RBFA: variants seen among roughly 807,000 people sequenced by gnomAD.
The protein encoded by RBFA is putative ribosome-binding factor A, mitochondrial.
Under a neutral mutation model 27.9 loss-of-function variants are expected in RBFA, and 16 were observed. The ratio of observed to expected loss-of-function variants is 0.57; its 90% CI spans 0.39 to 0.87. The LOEUF (loss-of-function observed/expected upper bound fraction) is 0.87, where lower values mean the gene tolerates loss of function less well. Ranked by LOEUF, RBFA falls within the 40% of genes least tolerant of loss-of-function variation. The pLI is 0.00. For synonymous variants in RBFA, 181 were observed against 181.0 expected, an observed-to-expected ratio of 1.00 and a Z score of 0.00; for missense variants, 456 against 432.1, an observed-to-expected ratio of 1.06 and a Z score of -0.49.
Position 80,037,451 on chromosome 18 carries a change from T to C in RBFA, c.323T>C (p.Leu108Pro), listed in dbSNP as rs1323152482. The part of the protein sequence containing the change: ...GLLYKALTDL[L>P]CTPEVSQELY... ...CTCTATAAGGCACTGACAGACCTGC[T>C]GTGTACCCCTGAAGTGAGTCAGGAG... Residue 108 changes from leucine (L) to proline (P), a missense_variant, in exon 3 of 7, where the codon CTG (leucine) becomes CCG (proline). Physicochemically the swap from Leu to Pro is moderately conservative, Grantham distance 98. Coordinates refer to ENST00000306735, the MANE Select transcript of RBFA (RefSeq NM_024805.3). 1.2e-6 allele frequency: 2 copies of C among 1,614,154 alleles called. No homozygotes were observed. Among genetic ancestry groups the C allele is most frequent in the Non-Finnish European group, 1.7e-6 (2 of 1,180,004 alleles).
In RBFA at chr18:80,040,448, A is replaced by G. The variant is rs961898453; in HGVS notation, c.492-1687A>G. On this transcript the variant is annotated intron_variant, in intron 4 of 6. Transcript: ENST00000306735. ...TTTTTTGTAGAGATAGGATCTCTCT[A>G]TGTTGTCTAGGCTGGTCTCCAACTC... 4.6e-5 allele frequency among the ~76,000 whole-genome samples: 7 copies of G among 151,866 alleles called. 1 individual carries two copies. The highest frequency in any genetic ancestry group is 6.8e-3 in the Middle Eastern group (2 of 292).
At chr18:80,039,096 C>T (rs1216209018) in intron 4 of RBFA, among the ~76,000 whole-genome samples, 1 of 152,250 alleles carries the variant, frequency 6.6e-6, no homozygotes, top group Non-Finnish European at 1.5e-5. Flanking sequence ...GGGAGGATCA[C>T]TTGAGGCCAG....
chr18:80,044,153 G>A, intron 5 of RBFA, 59 bp from the exon 6 acceptor site: 1 of 1,420,316 alleles, frequency 7.0e-7, no homozygotes, highest in Non-Finnish European at 1.0e-6. Flanking sequence ...GTGGAGCCCG[G>A]CTGTAAGTAT....
chr18:80,034,527 C>T lies in RBFA; in HGVS notation c.32C>T (p.Ser11Phe), dbSNP rs1308892543. The change falls in exon 1 of 7, where the codon TCC becomes TTC. Residue 11 changes from serine (S) to phenylalanine (F), a missense_variant. By Grantham distance (155) the Ser-to-Phe change is radical. Coordinates refer to ENST00000306735, the MANE Select transcript of RBFA (RefSeq NM_024805.3). MWAAAGGLWR[S>F]RAGLRALFRS... ...GCTGCGGCGGGCGGGCTGTGGCGCT[C>T]CCGCGCGGGTCTCCGGGCCCTGTTC... 1 of 1,588,104 alleles carries T rather than the reference C, an allele frequency of 6.3e-7. No homozygotes were observed. The highest frequency in any genetic ancestry group is 8.5e-7 in the Non-Finnish European group (1 of 1,172,274).
rs774451391 is a variant in RBFA at position 80,036,692 on chromosome 18, T to C, written c.183T>C (p.Pro61=). The C allele has an allele frequency of 6.2e-7, 1 of 1,612,636 alleles. No individual in the cohort carries two copies. Among genetic ancestry groups the C allele is most frequent in the South Asian group, 1.1e-5 (1 of 90,924 alleles). ...KTKKKVWYES[P]SLGSHSTYKP... is the part of the protein sequence containing the mutation. ...GAAAAAAGGTTTGGTATGAAAGTCC[T>C]TCCTTGGGTTCTCACTCGGTGAGTA... The change falls in exon 2 of 7, where the codon CCT becomes CCC. Residue 61 remains proline, a synonymous_variant. Coordinates refer to ENST00000306735, the MANE Select transcript of RBFA (RefSeq NM_024805.3).
intron 5 of RBFA, among the ~76,000 whole-genome samples, chr18:80,043,645 C>G (rs987604636): frequency 1.3e-5 from 2 of 152,158 alleles, no homozygotes; most frequent in African/African-American, 4.8e-5. Flanking sequence ...GAGGACACCC[C>G]CGGAGGCAGG....
rs991371518 is a variant in RBFA, at chr18:80,049,180, G to A, written c.*3025G>A. Among the ~76,000 whole-genome samples the A allele has an allele frequency of 6.6e-6, 1 of 151,504 alleles. No homozygotes were observed. The highest frequency in any genetic ancestry group is 2.4e-5 in the African/African-American group (1 of 41,168). Reference sequence around the variant, plus strand: ...GCGGCCTTCCCTGGGAGCGGGTTAGGGACACGGAAGCTCACCCCCTTCTGA... The same window carrying A: ...GCGGCCTTCCCTGGGAGCGGGTTAGAGACACGGAAGCTCACCCCCTTCTGA... On this transcript the variant is annotated 3_prime_UTR_variant, in exon 7 of 7. Coordinates refer to ENST00000306735, the MANE Select transcript of RBFA (RefSeq NM_024805.3).
Position 80,046,907 on chromosome 18 carries a change from CTG to C in RBFA, c.*753_*754del. ...TTTGCCTTCTGAAGAGTGTGCGACT[CTG>C]AGTCATACTGAATTCTTTGTGTCAC... On this transcript the variant is annotated 3_prime_UTR_variant, in exon 7 of 7. Transcript: ENST00000306735. 6.6e-6 allele frequency: 1 copy of C among 152,570 alleles called. No homozygotes were observed. 9.5% of individuals were successfully genotyped at this position (152,570 alleles called of 1,614,324 possible).
intron 3 of RBFA, among the ~76,000 whole-genome samples, chr18:80,038,272 C>T (rs2051994108): frequency 6.6e-6 from 1 of 152,078 alleles, no homozygotes; most frequent in Non-Finnish European, 1.5e-5. Context: ...GTTCTGCAAA[C>T]CAGGTGGTTT....
At chr18:80,039,513 A>T (rs1169821547) in intron 4 of RBFA, among the ~76,000 whole-genome samples, 1 of 152,226 alleles carries the variant, frequency 6.6e-6, no homozygotes, top group Non-Finnish European at 1.5e-5. Flanking sequence ...GGTGTTTGGC[A>T]GACATTCTTT....
intron 2 of RBFA, among the ~76,000 whole-genome samples, 161 bp downstream of exon 2, chr18:80,036,871 C>CA (rs1046830897): frequency 1.5e-4 from 22 of 149,254 alleles, no homozygotes; most frequent in African/African-American, 2.5e-4. Context: ...TTGATCTTTT[C>CA]AAAAAAAAAT....
rs1049469914 is a variant in RBFA, at chr18:80,049,951, T to G, written c.*3796T>G. On this transcript the variant is annotated 3_prime_UTR_variant, in exon 7 of 7. Transcript: ENST00000306735. ...AGCATTAGAACCTCTGCTCTACGGG[T>G]GACTGCCCTGGGTTGATTTTTTTCC... 6.6e-6 allele frequency among the ~76,000 whole-genome samples: 1 copy of G among 152,232 alleles called. No individual in the cohort carries two copies. Among genetic ancestry groups the G allele is most frequent in the African/African-American group, 2.4e-5 (1 of 41,448 alleles).
Position 80,048,495 on chromosome 18 carries a change from T to C in RBFA, c.*2340T>C, listed in dbSNP as rs1041544953. On this transcript the variant is annotated 3_prime_UTR_variant, in exon 7 of 7. Transcript: ENST00000306735. ...TACAAAACAGATTGCTGCCATCAATTTGTCTCAGGTCCTTCTAGCACATCT... is the reference window on the plus strand; with the variant it reads ...TACAAAACAGATTGCTGCCATCAATCTGTCTCAGGTCCTTCTAGCACATCT... Among the ~76,000 whole-genome samples the C allele has an allele frequency of 3.3e-5, 5 of 152,228 alleles. No individual in the cohort carries two copies. The highest frequency in any genetic ancestry group is 6.5e-5 in the Admixed American group (1 of 15,292).
chr18:80,041,427 A>G lies in RBFA; in HGVS notation c.492-708A>G, dbSNP rs149101268. The G allele has an allele frequency of 6.1e-3, 930 of 152,280 alleles. 4 individuals carry two copies. Among genetic ancestry groups the G allele is most frequent in the Middle Eastern group, 0.02 (6 of 294 alleles). The allele number at this position is 152,280 out of a possible 1,614,324, so 9.4% of individuals were successfully genotyped here. ...GTATTATGTGATGTGCATGATACAA[A>G]TATCACTTCTGTGTCTAATATCTGG... is the stretch of plus-strand genomic sequence containing the variant. On this transcript the variant is annotated intron_variant, in intron 4 of 6. Coordinates refer to ENST00000306735, the MANE Select transcript of RBFA (RefSeq NM_024805.3).
chr18:80,045,372 G>A (rs1294427176), intron 6 of RBFA, among the ~76,000 whole-genome samples: 2 of 152,072 alleles, frequency 1.3e-5, no homozygotes, highest in East Asian at 1.9e-4. Flanking sequence ...GATTACAGGC[G>A]AGCGCCACCA....
rs535103037 is a variant in RBFA at position 80,046,503 on chromosome 18, C to T, written c.*348C>T. On this transcript the variant is annotated 3_prime_UTR_variant, in exon 7 of 7. Coordinates refer to ENST00000306735, the MANE Select transcript of RBFA (RefSeq NM_024805.3). ...CGAGGGGTCAGGCCACAGCAGTGGC[C>T]GGGGTAAGAACTGAACCTGCAAACC... is the stretch of plus-strand genomic sequence containing the variant. 1.5e-4 allele frequency: 36 copies of T among 246,144 alleles called. No individual in the cohort carries two copies. In the East Asian group the frequency reaches 2.8e-3, roughly 19 times the overall value. The allele number at this position is 246,144 out of a possible 1,614,324, so 15.2% of individuals were successfully genotyped here.
intron 5 of RBFA, among the ~76,000 whole-genome samples, chr18:80,043,329 T>C (rs1462464772): frequency 6.6e-6 from 1 of 152,246 alleles, no homozygotes; most frequent in Non-Finnish European, 1.5e-5. Context: ...CGTTAATCAG[T>C]GTGTAGGTAA....
rs762762684 is a variant in RBFA at position 80,037,467 on chromosome 18, G to A, written c.339G>A (p.Val113=). 6.2e-7 allele frequency: 1 copy of A among 1,614,002 alleles called. No individual in the cohort carries two copies. The highest frequency in any genetic ancestry group is 8.5e-7 in the Non-Finnish European group (1 of 1,179,902). ...CAGACCTGCTGTGTACCCCTGAAGTGAGTCAGGAGCTGTATGACCTTAACG... is the reference window on the plus strand; with the variant it reads ...CAGACCTGCTGTGTACCCCTGAAGTAAGTCAGGAGCTGTATGACCTTAACG... The part of the protein sequence containing the change: ...ALTDLLCTPE[V]SQELYDLNVE... The change falls in exon 3 of 7, where the codon GTG becomes GTA. Residue 113 remains valine (V), a synonymous_variant. Transcript: ENST00000306735.
intron 1 of RBFA, among the ~76,000 whole-genome samples, chr18:80,036,214 ATCATTCTAGCCTC>A (rs1400250190): frequency 6.6e-6 from 1 of 152,168 alleles, no homozygotes; most frequent in African/African-American, 2.4e-5. Flanking sequence ...TACTGTGTGG[ATCATTCTAGCCTC>A]CTCTCCTTGC....
Sources: allele counts gnomAD v4.1 joint callset (sites outside exome capture counted in the v4.1 genomes callset), GRCh38; gene constraint gnomAD v4.1.1; transcripts MANE v1.5; gene names NCBI Gene and HGNC (gene_info 2026-07-23, HGNC 2026-07-21).